Variants in NAV2 observed in about 807,000 individuals in gnomAD.
NAV2 encodes helicase, APC down-regulated 1.
In NAV2, 54 loss-of-function variants were observed where a neutral mutation model predicts 223.2. The ratio of observed to expected loss-of-function variants is 0.24; its 90% CI spans 0.19 to 0.30. NAV2 has a LOEUF of 0.30. Among genes scored for constraint, NAV2 ranks in the 10% least tolerant of loss-of-function variants. NAV2 has a pLI of 1.00. For missense variants in NAV2, 2,806 were observed against 3,147.5 expected (o/e 0.89, Z 2.60); for synonymous variants, 1,279 against 1,239.3 (o/e 1.03, Z -0.67).
chr11:19,720,681 T>C (rs1485554207), intron 1 of NAV2, among the ~76,000 whole-genome samples: 2 of 152,212 alleles, frequency 1.3e-5, no homozygotes, highest in Non-Finnish European at 1.5e-5. Context: ...GTCACGGATA[T>C]CGATTGAGCA....
chr11:20,040,300 C>G (rs2153575389), intron 12 of NAV2, among the ~76,000 whole-genome samples: 1 of 152,244 alleles, frequency 6.6e-6, no homozygotes, highest in East Asian at 1.9e-4. Context: ...AGGATAAATG[C>G]TAAAGATGGA....
At chr11:19,937,141 C>G (rs931770653) in intron 7 of NAV2, among the ~76,000 whole-genome samples, 1 of 152,042 alleles carries the variant, frequency 6.6e-6, no homozygotes, top group Non-Finnish European at 1.5e-5. Context: ...GTCTCAAAAA[C>G]AAACAAACCA....
At chr11:19,622,194 G>A (rs1590706317) in intron 1 of NAV2, among the ~76,000 whole-genome samples, 2 of 152,104 alleles carry the variant, frequency 1.3e-5, no homozygotes, top group Admixed American at 6.6e-5. Context: ...TCAATTTTGG[G>A]ATAAGTGTGA....
In NAV2 at chr11:19,860,005, C is replaced by G. The variant is rs538809109; in HGVS notation, c.439-8920C>G. Among the ~76,000 whole-genome samples, 13 of 125,418 alleles carry G rather than the reference C, an allele frequency of 1.0e-4. No individual in the cohort carries two copies. The South Asian group carries it at 3.3e-3, about 32-fold the overall frequency. 82.3% of individuals were successfully genotyped at this position (125,418 alleles called of 152,430 possible). On this transcript the variant is annotated intron_variant, in intron 3 of 37. Transcript: ENST00000349880. ...CTGGCCAGGCGGGGGGCTGACCCCC[C>G]CTCCCTCCCGGATGGGGCGGCTGGC...
rs1184170400 is a variant in NAV2, at chr11:20,054,220, G to A, written c.4622G>A (p.Arg1541Lys). The change falls in exon 18 of 38, where the codon AGA becomes AAA. Residue 1541 changes from arginine to lysine, a missense_variant. This residue lies in a region of NAV2 where 742 missense variants were observed against 777.9 expected (regional missense o/e 0.95). Coordinates refer to ENST00000349880, the MANE Select transcript of NAV2 (RefSeq NM_145117.5). ...GSSVTSPSGTRFNFSQLASPT... is the reference protein window; with the variant it reads ...GSSVTSPSGTKFNFSQLASPT... ...AGCGTGACTTCTCCCTCCGGAACAA[G>A]ATTCAACTTTTCCCAGCTTGGTGAG... 7 of 1,610,688 alleles carry A rather than the reference G, an allele frequency of 4.3e-6. No homozygotes were observed. The South Asian group carries it at 7.8e-5, about 18-fold the overall frequency.
intron 1 of NAV2, among the ~76,000 whole-genome samples, chr11:19,542,553 T>C (rs1565033258): frequency 1.3e-5 from 2 of 152,208 alleles, no homozygotes; most frequent in Non-Finnish European, 1.5e-5. Flanking sequence ...ACTGAGGGGT[T>C]CCATATATAC....
chr11:20,074,554 T>C (rs2059601242), intron 22 of NAV2, among the ~76,000 whole-genome samples: 1 of 152,088 alleles, frequency 6.6e-6, no homozygotes, highest in African/African-American at 2.4e-5. Context: ...CCCACTGTTA[T>C]TGTGTGGGAG....
intron 1 of NAV2, among the ~76,000 whole-genome samples, chr11:19,602,879 G>T (rs976281632): frequency 6.6e-6 from 1 of 152,144 alleles, no homozygotes; most frequent in African/African-American, 2.4e-5. Context: ...TTCCAAATGT[G>T]GTTGTTTCTA....
intron 36 of NAV2, 168 bp from the exon 37 acceptor site, chr11:20,114,424 G>C: frequency 1.5e-6 from 1 of 649,282 alleles, no homozygotes. Context: ...TTAGCACCTC[G>C]AACTGTCTGC....
chr11:20,078,031 G>C lies in NAV2; in HGVS notation c.5106G>C (p.Leu1702=). 6.2e-7 allele frequency: 1 copy of C among 1,613,176 alleles called. No individual in the cohort carries two copies. Among genetic ancestry groups the C allele is most frequent in the Admixed American group, 1.7e-5 (1 of 59,796 alleles). Residue 1702 remains leucine, a synonymous_variant, in exon 24 of 38, where the codon CTG becomes CTC. Coordinates refer to ENST00000349880, the MANE Select transcript of NAV2 (RefSeq NM_145117.5). ...ELNELRKTIE[L]LKKQNAAAQA... ...ATGAGTTAAGAAAAACCATTGAGCT[G>C]CTAAAGAAACAGAACGCAGCTGCCC...
At chr11:20,078,289 G>A (rs1265683520) in intron 24 of NAV2, among the ~76,000 whole-genome samples, 185 bp downstream of exon 24, 1 of 152,184 alleles carries the variant, frequency 6.6e-6, no homozygotes, top group Non-Finnish European at 1.5e-5. Flanking sequence ...TACAAAGATG[G>A]CTATGGTAGT....
In NAV2 at chr11:20,120,083, T is replaced by G. The variant is rs2063395784; in HGVS notation, c.*1825T>G. ...GGACACCAGTGAAGGTGTCTCTGTT[T>G]TAATGATCAGGGTTTTTATTCCATC... On this transcript the variant is annotated 3_prime_UTR_variant, in exon 38 of 38. Coordinates refer to ENST00000349880, the MANE Select transcript of NAV2 (RefSeq NM_145117.5). 6.6e-6 allele frequency: 1 copy of G among 152,246 alleles called. No individual in the cohort carries two copies. Among genetic ancestry groups the G allele is most frequent in the South Asian group, 2.1e-4 (1 of 4,838 alleles). The allele number at this position is 152,246 out of a possible 1,614,324, so 9.4% of individuals were successfully genotyped here. A position where few individuals can be genotyped will look rare whatever the true frequency, so the allele number is the denominator to read the frequency against.
intron 1 of NAV2, among the ~76,000 whole-genome samples, chr11:19,545,800 G>A (rs921297952): frequency 2.0e-5 from 3 of 151,834 alleles, no homozygotes; most frequent in African/African-American, 7.3e-5. Context: ...GTTAGTGTTA[G>A]TGTATTTTAT....
intron 1 of NAV2, among the ~76,000 whole-genome samples, chr11:19,450,888 A>G (rs1851767418): frequency 6.6e-6 from 1 of 152,166 alleles, no homozygotes; most frequent in African/African-American, 2.4e-5. Flanking sequence ...CCACCTGTGC[A>G]TTATGGTGCC....
chr11:20,034,191 G>C (rs1191704062), intron 11 of NAV2, among the ~76,000 whole-genome samples: 1 of 151,716 alleles, frequency 6.6e-6, no homozygotes, highest in Non-Finnish European at 1.5e-5. Context: ...CCTTGTACAG[G>C]GTATCTATTT....
intron 1 of NAV2, among the ~76,000 whole-genome samples, chr11:19,541,639 G>A (rs186555539): frequency 3.8e-4 from 58 of 152,320 alleles, no homozygotes; most frequent in African/African-American, 1.4e-3. Flanking sequence ...TGACCCACTT[G>A]AGAGAAGGGA....
chr11:19,730,605 A>C (rs1441030871), intron 1 of NAV2, among the ~76,000 whole-genome samples: 2 of 152,192 alleles, frequency 1.3e-5, no homozygotes, highest in East Asian at 3.9e-4. Flanking sequence ...AGCTTTGCTT[A>C]ATGGGGAGCA....
chr11:19,819,237 G>A (rs1356352008), intron 1 of NAV2, among the ~76,000 whole-genome samples: 18 of 152,220 alleles, frequency 1.2e-4, no homozygotes. Flanking sequence ...GATGCAAAGT[G>A]CTTTCAGAGG....
chr11:19,971,256 G>T (rs917400216), intron 10 of NAV2, among the ~76,000 whole-genome samples: 3 of 152,034 alleles, frequency 2.0e-5, no homozygotes, highest in Admixed American at 2.0e-4. Flanking sequence ...AGGGACGGGG[G>T]TTATGTGGTA....
Sources: allele counts gnomAD v4.1 joint callset (sites outside exome capture counted in the v4.1 genomes callset), GRCh38; gene constraint gnomAD v4.1.1; regional missense constraint gnomAD v4.1.1; transcripts MANE v1.5; gene names NCBI Gene and HGNC (gene_info 2026-07-23, HGNC 2026-07-21).